ZNF804A: variants seen among roughly 807,000 people sequenced by gnomAD.
ZNF804A encodes zinc finger protein 804A.
ZNF804A carries 2 observed loss-of-function variants against 16.5 expected under a neutral mutation model. The ratio of observed to expected loss-of-function variants is 0.12; its 90% CI spans 0.05 to 0.38. The LOEUF (loss-of-function observed/expected upper bound fraction) is 0.38. Ranked by LOEUF, ZNF804A falls within the 10% of genes least tolerant of loss-of-function variation. The probability of loss-of-function intolerance (pLI) is 0.99; values close to 1 mark genes in which losing one functional copy is unlikely to be tolerated. For missense variants in ZNF804A, 1,473 were observed against 1,390.7 expected, an observed-to-expected ratio of 1.06 and a Z score of -0.94; for synonymous variants, 534 against 489.6, an observed-to-expected ratio of 1.09 and a Z score of -1.20.
At chr2:184,924,130 A>G (rs1212469567) in intron 2 of ZNF804A, among the ~76,000 whole-genome samples, 4 of 151,598 alleles carry the variant, frequency 2.6e-5, no homozygotes, top group Non-Finnish European at 5.9e-5. Flanking sequence ...ATTTTTTCAG[A>G]TAGTCTGAGT....
intron 1 of ZNF804A, among the ~76,000 whole-genome samples, chr2:184,607,238 G>C (rs1403695360): frequency 6.6e-6 from 1 of 152,132 alleles, no homozygotes; most frequent in Non-Finnish European, 1.5e-5. Flanking sequence ...CTTGAAGAAA[G>C]TCAAGCTCTC....
chr2:184,744,973 G>A (rs1693766807), intron 1 of ZNF804A, among the ~76,000 whole-genome samples: 1 of 151,754 alleles, frequency 6.6e-6, no homozygotes, highest in East Asian at 1.9e-4. Flanking sequence ...ACAGTAATGT[G>A]TCTATTTTAT....
intron 1 of ZNF804A, among the ~76,000 whole-genome samples, chr2:184,860,159 C>T (rs1374665323): frequency 2.0e-5 from 3 of 152,184 alleles, no homozygotes; most frequent in East Asian, 1.9e-4. Flanking sequence ...CTTGGGTCCT[C>T]CGGAGTCCAG....
intron 1 of ZNF804A, among the ~76,000 whole-genome samples, chr2:184,624,271 A>AT (rs1306588509): frequency 6.6e-6 from 1 of 152,154 alleles, no homozygotes; most frequent in Non-Finnish European, 1.5e-5. Context: ...AAAATGGTAA[A>AT]TTTTATGCTA....
At chr2:184,644,584 C>A (rs1034747960) in intron 1 of ZNF804A, among the ~76,000 whole-genome samples, 1 of 151,764 alleles carries the variant, frequency 6.6e-6, no homozygotes, top group African/African-American at 2.4e-5. Flanking sequence ...CCTGTAATGT[C>A]GTCATTAAAT....
At chr2:184,628,830 T>G (rs1188247247) in intron 1 of ZNF804A, among the ~76,000 whole-genome samples, 5 of 152,266 alleles carry the variant, frequency 3.3e-5, no homozygotes, top group Admixed American at 2.6e-4. Context: ...GTAATAAATG[T>G]TTTTCAAAGA....
chr2:184,679,472 C>T lies in ZNF804A; in HGVS notation c.111+80402C>T, dbSNP rs542542938. 2.1e-3 allele frequency among the ~76,000 whole-genome samples: 320 copies of T among 152,252 alleles called. 1 individual carries two copies. Among genetic ancestry groups the T allele is most frequent in the African/African-American group, 7.2e-3 (300 of 41,560 alleles). On this transcript the variant is annotated intron_variant, in intron 1 of 3. Transcript: ENST00000302277. ...GGTGGGGCAGGAGCCCCACCCTCCC[C>T]GGTGCAGCTACTACTGCCCAGCCAC...
chr2:184,778,339 T>C (rs1024059029), intron 1 of ZNF804A, among the ~76,000 whole-genome samples: 18 of 151,590 alleles, frequency 1.2e-4, no homozygotes, highest in African/African-American at 4.4e-4. Context: ...GATGATAATT[T>C]TTTCCCCAAA....
intron 1 of ZNF804A, among the ~76,000 whole-genome samples, chr2:184,813,547 C>T (rs916380467): frequency 6.6e-6 from 1 of 151,984 alleles, no homozygotes; most frequent in Admixed American, 6.6e-5. Flanking sequence ...TTTTGAGTAA[C>T]AGTATCAGGG....
intron 1 of ZNF804A, among the ~76,000 whole-genome samples, chr2:184,703,246 GT>G (rs535687786): frequency 9.7e-4 from 147 of 152,264 alleles, no homozygotes; most frequent in African/African-American, 3.5e-3. Context: ...CTAAAAAGTA[GT>G]TTTATCACTG....
At chr2:184,877,245 G>T (rs1420252404) in intron 2 of ZNF804A, among the ~76,000 whole-genome samples, 2 of 151,978 alleles carry the variant, frequency 1.3e-5, no homozygotes, top group Non-Finnish European at 2.9e-5. Flanking sequence ...TCTGTTTGGG[G>T]AAATAGTTTG....
Position 184,939,001 on chromosome 2 carries a change from T to G in ZNF804A, c.3605T>G (p.Val1202Gly), listed in dbSNP as rs748151621. 4.3e-6 allele frequency: 7 copies of G among 1,613,868 alleles called. No homozygotes were observed. ...FPSLLSPHPT[V>G]IPLQPLF ...TCACTGCTTTCCCCACACCCTACTG[T>G]CATCCCTTTGCAACCTCTCTTCTAG... Residue 1202 changes from valine to glycine, a missense_variant, in exon 4 of 4, where the codon GTC (valine) becomes GGC (glycine). Val to Gly is a moderately radical substitution (Grantham distance 109). Coordinates refer to ENST00000302277, the MANE Select transcript of ZNF804A (RefSeq NM_194250.2).
intron 1 of ZNF804A, among the ~76,000 whole-genome samples, chr2:184,773,502 G>A (rs1694247131): frequency 6.6e-6 from 1 of 151,960 alleles, no homozygotes; most frequent in Non-Finnish European, 1.5e-5. Context: ...GGCATTCATA[G>A]CAACCTGGTT....
intron 1 of ZNF804A, among the ~76,000 whole-genome samples, chr2:184,671,802 A>T (rs889961851): frequency 1.3e-5 from 2 of 152,212 alleles, no homozygotes; most frequent in African/African-American, 4.8e-5. Flanking sequence ...TCAGATTCAC[A>T]AATCTCTTTG....
intron 1 of ZNF804A, among the ~76,000 whole-genome samples, chr2:184,602,976 T>A (rs1691073221): frequency 6.6e-6 from 1 of 152,156 alleles, no homozygotes; most frequent in Non-Finnish European, 1.5e-5. Context: ...TGTGGATAAG[T>A]AGTGCCAGAT....
At chr2:184,685,236 C>T (rs1421604650) in intron 1 of ZNF804A, among the ~76,000 whole-genome samples, 2 of 152,102 alleles carry the variant, frequency 1.3e-5, no homozygotes, top group African/African-American at 4.8e-5. Context: ...GCTTCTGCTG[C>T]AGGCCCCCAT....
chr2:184,841,962 T>C (rs1695442566), intron 1 of ZNF804A, among the ~76,000 whole-genome samples: 1 of 152,110 alleles, frequency 6.6e-6, no homozygotes, highest in Non-Finnish European at 1.5e-5. Context: ...ATATGTAAAA[T>C]GGGGCTAATA....
chr2:184,909,340 A>C (rs1288907973), intron 2 of ZNF804A, among the ~76,000 whole-genome samples: 1 of 152,072 alleles, frequency 6.6e-6, no homozygotes, highest in Non-Finnish European at 1.5e-5. Context: ...ATGCATTTTA[A>C]AATAATTTTA....
At chr2:184,777,352 T>C (rs1379679395) in intron 1 of ZNF804A, among the ~76,000 whole-genome samples, 1 of 151,718 alleles carries the variant, frequency 6.6e-6, no homozygotes, top group Non-Finnish European at 1.5e-5. Context: ...TACGTGTTTC[T>C]AAACCTCAGA....
Sources: gnomAD v4.1 joint callset for allele counts (sites outside exome capture counted in the v4.1 genomes callset) on GRCh38, gnomAD v4.1.1 for gene constraint, MANE v1.5 for transcripts, NCBI Gene and HGNC (gene_info 2026-07-23, HGNC 2026-07-21) for gene names.